The following CCDC85A variants were observed in gnomAD, a reference collection of about 807,000 sequenced individuals.
The protein encoded by CCDC85A is coiled-coil domain-containing protein 85A.
In CCDC85A, 38 loss-of-function variants were observed where a neutral mutation model predicts 50.2. The ratio of observed to expected loss-of-function variants is 0.76; its 90% CI spans 0.58 to 0.99. The LOEUF (loss-of-function observed/expected upper bound fraction) is 0.99. Ranked by LOEUF, CCDC85A falls within the 50% of genes least tolerant of loss-of-function variation. CCDC85A has a pLI of 0.00. For synonymous variants in CCDC85A, 366 were observed against 301.4 expected, an observed-to-expected ratio of 1.21 and a Z score of -2.22; for missense variants, 820 against 742.0, an observed-to-expected ratio of 1.11 and a Z score of -1.22.
chr2:56,247,539 C>G (rs547342430), intron 2 of CCDC85A, among the ~76,000 whole-genome samples: 111 of 152,178 alleles, frequency 7.3e-4, no homozygotes, highest in Non-Finnish European at 1.3e-3. Flanking sequence ...TAGGAGCTCA[C>G]AGAGCAAAAT....
chr2:56,348,961 A>C (rs1674764606), intron 3 of CCDC85A, among the ~76,000 whole-genome samples: 1 of 152,270 alleles, frequency 6.6e-6, no homozygotes, highest in African/African-American at 2.4e-5. Context: ...AAAAATGAAA[A>C]TCTGTAACTG....
chr2:56,305,716 G>A (rs2104206978), intron 2 of CCDC85A, among the ~76,000 whole-genome samples: 1 of 152,334 alleles, frequency 6.6e-6, no homozygotes, highest in Admixed American at 6.5e-5. Context: ...TCATGGTCTT[G>A]GGTTTAATTG....
intron 2 of CCDC85A, among the ~76,000 whole-genome samples, chr2:56,302,558 G>T (rs1558631286): frequency 6.6e-6 from 1 of 152,152 alleles, no homozygotes; most frequent in Non-Finnish European, 1.5e-5. Flanking sequence ...CGTGATTATA[G>T]GAGGAAAACC....
At chr2:56,340,701 C>G (rs971640100) in intron 2 of CCDC85A, among the ~76,000 whole-genome samples, 2 of 151,708 alleles carry the variant, frequency 1.3e-5, no homozygotes, top group Admixed American at 1.3e-4. Context: ...CATGGAGAAA[C>G]CCTGTCTCTA....
intron 2 of CCDC85A, among the ~76,000 whole-genome samples, chr2:56,330,741 C>G (rs548757000): frequency 1.3e-5 from 2 of 152,152 alleles, no homozygotes; most frequent in Non-Finnish European, 2.9e-5. Context: ...TTGAAAAACT[C>G]TTTCCTTTGG....
At chr2:56,363,204 C>G (rs1323510552) in intron 3 of CCDC85A, among the ~76,000 whole-genome samples, 1 of 152,120 alleles carries the variant, frequency 6.6e-6, no homozygotes, top group South Asian at 2.1e-4. Context: ...AATAAGAGCT[C>G]ATGCTTCCAT....
chr2:56,226,389 G>A (rs1668543196), intron 2 of CCDC85A, among the ~76,000 whole-genome samples: 1 of 152,128 alleles, frequency 6.6e-6, no homozygotes, highest in Non-Finnish European at 1.5e-5. Flanking sequence ...AATATATTTT[G>A]AATGGATGAG....
intron 2 of CCDC85A, among the ~76,000 whole-genome samples, chr2:56,304,462 C>G (rs538686130): frequency 6.6e-6 from 1 of 152,058 alleles, no homozygotes; most frequent in Non-Finnish European, 1.5e-5. Context: ...GAGAGTTCAC[C>G]GGGCCAAGTA....
chr2:56,316,616 C>T (rs1558637554), intron 2 of CCDC85A, among the ~76,000 whole-genome samples: 1 of 152,062 alleles, frequency 6.6e-6, no homozygotes, highest in Non-Finnish European at 1.5e-5. Context: ...CCCATCTGCC[C>T]TATCAGTTGA....
chr2:56,291,363 A>C (rs1671695869), intron 2 of CCDC85A, among the ~76,000 whole-genome samples: 1 of 152,216 alleles, frequency 6.6e-6, no homozygotes, highest in Non-Finnish European at 1.5e-5. Context: ...ACAGCATTAG[A>C]GAGTGAGATA....
At chr2:56,197,801 G>A (rs1400998387) in intron 2 of CCDC85A, among the ~76,000 whole-genome samples, 1 of 152,130 alleles carries the variant, frequency 6.6e-6, no homozygotes, top group East Asian at 1.9e-4. Context: ...TGGGGATATG[G>A]GTTGAAAATT....
chr2:56,276,094 A>G (rs1033920216), intron 2 of CCDC85A, among the ~76,000 whole-genome samples: 2 of 152,142 alleles, frequency 1.3e-5, no homozygotes, highest in Admixed American at 6.5e-5. Context: ...ATTTTACATC[A>G]CATGAAATAG....
At chr2:56,252,657 A>G (rs374819485) in intron 2 of CCDC85A, among the ~76,000 whole-genome samples, 26 of 152,204 alleles carry the variant, frequency 1.7e-4, no homozygotes, top group African/African-American at 6.3e-4. Context: ...CCCGTCATCT[A>G]CATTAGGTAT....
At chr2:56,235,606 T>C (rs1344390168) in intron 2 of CCDC85A, among the ~76,000 whole-genome samples, 1 of 152,150 alleles carries the variant, frequency 6.6e-6, no homozygotes, top group African/African-American at 2.4e-5. Flanking sequence ...ATGTGTATTG[T>C]GCACCTAATG....
intron 2 of CCDC85A, among the ~76,000 whole-genome samples, chr2:56,246,545 A>G (rs986856809): frequency 6.6e-6 from 1 of 152,106 alleles, no homozygotes; most frequent in Admixed American, 6.6e-5. Context: ...TAACTTTTGT[A>G]TATGGTATGA....
chr2:56,245,551 CT>C (rs1324666012), intron 2 of CCDC85A, among the ~76,000 whole-genome samples: 1 of 152,188 alleles, frequency 6.6e-6, no homozygotes, highest in Admixed American at 6.5e-5. Flanking sequence ...TATGAAGTTG[CT>C]TTTTTGCATA....
At chr2:56,211,703 T>G (rs1422117800) in intron 2 of CCDC85A, among the ~76,000 whole-genome samples, 2 of 152,060 alleles carry the variant, frequency 1.3e-5, no homozygotes, top group East Asian at 1.9e-4. Flanking sequence ...CATCCTAGAA[T>G]GTCAACAAAT....
At chr2:56,340,529 A>G (rs1417540190) in intron 2 of CCDC85A, among the ~76,000 whole-genome samples, 2 of 152,188 alleles carry the variant, frequency 1.3e-5, no homozygotes, top group African/African-American at 4.8e-5. Flanking sequence ...AGGGGCATAA[A>G]GCAGAAGAAG....
In CCDC85A at chr2:56,288,946, T is replaced by C. The variant is rs371355161; in HGVS notation, c.1241-53933T>C. ...AAAGGTCTGTGTACAGAGAGCCTTATGACCCTTTAGTTGCTGATAGTTTCA... is the reference window on the plus strand; with the variant it reads ...AAAGGTCTGTGTACAGAGAGCCTTACGACCCTTTAGTTGCTGATAGTTTCA... On this transcript the variant is annotated intron_variant, in intron 2 of 5. Coordinates refer to ENST00000407595, the MANE Select transcript of CCDC85A (RefSeq NM_001080433.2). Among the ~76,000 whole-genome samples, 5 of 152,200 alleles carry C rather than the reference T, an allele frequency of 3.3e-5. No individual in the cohort carries two copies. The East Asian group carries it at 5.8e-4, about 18-fold the overall frequency.
Sources: allele counts gnomAD v4.1 joint callset (sites outside exome capture counted in the v4.1 genomes callset), GRCh38; gene constraint gnomAD v4.1.1; transcripts MANE v1.5; gene names NCBI Gene and HGNC (gene_info 2026-07-23, HGNC 2026-07-21).